The following RYR2 variants were observed in gnomAD, a reference collection of about 807,000 sequenced individuals.
The protein encoded by RYR2 is ryanodine receptor 2, also known as cardiac muscle ryanodine receptor-calcium release channel.
A neutral mutation model predicts 601.1 loss-of-function variants in RYR2; 227 were observed. The observed-to-expected ratio is 0.38, with a 90% CI of 0.34 to 0.42. The LOEUF (loss-of-function observed/expected upper bound fraction) is 0.42. Among genes scored for constraint, RYR2 ranks in the 10% least tolerant of loss-of-function variants. The probability of loss-of-function intolerance (pLI) is 1.00; values close to 1 mark genes in which losing one functional copy is unlikely to be tolerated. For synonymous variants in RYR2, 2,223 were observed against 2,175.1 expected (o/e 1.02, Z -0.61); for missense variants, 4,646 against 6,156.5 (o/e 0.75, Z 8.21).
intron 48 of RYR2, among the ~76,000 whole-genome samples, chr1:237,646,273 G>T (rs150432690): frequency 6.6e-6 from 1 of 151,716 alleles, no homozygotes; most frequent in African/African-American, 2.4e-5. Context: ...CCTGGGAGAC[G>T]GAGGTTGCAG....
chr1:237,074,783 T>G (rs1299381603), intron 1 of RYR2, among the ~76,000 whole-genome samples: 1 of 152,108 alleles, frequency 6.6e-6, no homozygotes, highest in Non-Finnish European at 1.5e-5. Context: ...TCAGAGATGA[T>G]TCAGGCGATG....
intron 25 of RYR2, among the ~76,000 whole-genome samples, chr1:237,537,721 G>A (rs144278775): frequency 6.6e-6 from 1 of 152,138 alleles, no homozygotes; most frequent in South Asian, 2.1e-4. Flanking sequence ...ATACTCCTTA[G>A]AGCCAAAAAA....
intron 1 of RYR2, among the ~76,000 whole-genome samples, chr1:237,220,934 G>A (rs928035818): frequency 4.6e-5 from 7 of 151,886 alleles, no homozygotes; most frequent in Non-Finnish European, 7.4e-5. Context: ...ACTAAAAATA[G>A]TAATAAAAAA....
intron 1 of RYR2, among the ~76,000 whole-genome samples, chr1:237,054,802 G>A (rs1661770467): frequency 1.3e-5 from 2 of 152,184 alleles, no homozygotes; most frequent in African/African-American, 4.8e-5. Context: ...AAAAGTGAGT[G>A]GGATCTTGCT....
Position 237,784,490 on chromosome 1 carries a change from A to G in RYR2, c.12778A>G (p.Ser4260Gly), listed in dbSNP as rs1416980159. The change falls in exon 90 of 105, where the codon AGT becomes GGT. Residue 4260 changes from serine (S) to glycine (G), a missense_variant. Transcript: ENST00000366574. This position sits in a 1 kb window ranked among gnomAD's most constrained non-coding sequence, Gnocchi z 7.1. ...TATCTTGACCCTTATGCGAATGCTC[A>G]GTCTGAAGAGCCTGAAGAAGCAGAT... ...YNILTLMRML[S>G]LKSLKKQMKK... is the part of the protein sequence containing the mutation. 3.7e-6 allele frequency: 6 copies of G among 1,613,706 alleles called. No homozygotes were observed. The South Asian group carries it at 5.5e-5, about 15-fold the overall frequency.
chr1:237,288,680 G>C, intron 2 of RYR2, among the ~76,000 whole-genome samples: 1 of 152,078 alleles, frequency 6.6e-6, no homozygotes, highest in South Asian at 2.1e-4. Context: ...CAACAGCCCT[G>C]AGTCTGTTTC....
At chr1:237,241,613 G>A (rs1162663270) in intron 1 of RYR2, among the ~76,000 whole-genome samples, 1 of 152,150 alleles carries the variant, frequency 6.6e-6, no homozygotes, top group African/African-American at 2.4e-5. Context: ...GAATAAAATG[G>A]TGGCTACTCC....
intron 2 of RYR2, among the ~76,000 whole-genome samples, chr1:237,316,570 C>T (rs1354887977): frequency 3.3e-5 from 5 of 152,180 alleles, no homozygotes; most frequent in Non-Finnish European, 7.3e-5. Flanking sequence ...TTTGTTTCTC[C>T]TCCTGTGTTC....
chr1:237,708,394 G>A (rs562993242), intron 68 of RYR2, among the ~76,000 whole-genome samples: 1 of 152,102 alleles, frequency 6.6e-6, no homozygotes, highest in South Asian at 2.1e-4. Flanking sequence ...AACAACTATG[G>A]TTATTATTAA....
chr1:237,220,988 C>T (rs766524508), intron 1 of RYR2, among the ~76,000 whole-genome samples: 22 of 151,836 alleles, frequency 1.4e-4, no homozygotes, highest in Admixed American at 2.6e-4. Context: ...CCCAGCTACT[C>T]GGGAGGCTGA....
chr1:237,651,901 G>T (rs994938269), intron 51 of RYR2, among the ~76,000 whole-genome samples: 2 of 152,142 alleles, frequency 1.3e-5, no homozygotes, highest in South Asian at 2.1e-4. Flanking sequence ...GCCGGACGTG[G>T]TGGTGGGTGC....
chr1:237,150,813 C>T (rs1036379628), intron 1 of RYR2, among the ~76,000 whole-genome samples: 1 of 152,066 alleles, frequency 6.6e-6, no homozygotes, highest in African/African-American at 2.4e-5. Context: ...GAGAATTCCT[C>T]CAGATTTTGG....
At chr1:237,580,728 A>T (rs1394614676) in intron 29 of RYR2, among the ~76,000 whole-genome samples, 1 of 152,144 alleles carries the variant, frequency 6.6e-6, no homozygotes, top group African/African-American at 2.4e-5. Context: ...TAAAGGGGTA[A>T]TTCAGGTTAA....
chr1:237,738,794 G>C (rs1251733904), intron 79 of RYR2, among the ~76,000 whole-genome samples: 1 of 151,992 alleles, frequency 6.6e-6, no homozygotes, highest in Non-Finnish European at 1.5e-5. Context: ...TTGCTAATGT[G>C]AACAGGGATT....
chr1:237,378,372 A>C (rs1394777386), intron 8 of RYR2, among the ~76,000 whole-genome samples: 1 of 152,262 alleles, frequency 6.6e-6, no homozygotes, highest in Non-Finnish European at 1.5e-5. Context: ...TAGTTTTGCC[A>C]GAGAGTAGTC....
At chr1:237,749,000 CAA>C (rs1410187150) in intron 80 of RYR2, among the ~76,000 whole-genome samples, 2 of 152,132 alleles carry the variant, frequency 1.3e-5, no homozygotes, top group African/African-American at 4.8e-5. Flanking sequence ...AGGTTAAGTG[CAA>C]ACACTATAAC....
At chr1:237,079,864 C>T (rs1316676889) in intron 1 of RYR2, among the ~76,000 whole-genome samples, 2 of 116,674 alleles carry the variant, frequency 1.7e-5, no homozygotes, top group South Asian at 2.9e-4. Context: ...CATCACACTA[C>T]CTGACTTCAA....
chr1:237,512,837 C>T (rs1267997520), intron 24 of RYR2, among the ~76,000 whole-genome samples: 2 of 152,156 alleles, frequency 1.3e-5, no homozygotes, highest in African/African-American at 2.4e-5. Context: ...CGCCACTGCA[C>T]TCCAGCCTGG....
At chr1:237,239,257 G>A (rs988130749) in intron 1 of RYR2, among the ~76,000 whole-genome samples, 6 of 152,110 alleles carry the variant, frequency 3.9e-5, no homozygotes, top group Admixed American at 3.3e-4. Flanking sequence ...CTCACACCAA[G>A]GCAATCAAAG....
Sources: gnomAD v4.1 joint callset for allele counts (sites outside exome capture counted in the v4.1 genomes callset) on GRCh38, gnomAD v4.1.1 for gene constraint, Gnocchi (gnomAD v3.1) non-coding constraint, MANE v1.5 for transcripts, NCBI Gene and HGNC (gene_info 2026-07-23, HGNC 2026-07-21) for gene names.